CDH12: variants seen among roughly 807,000 people sequenced by gnomAD.
The protein encoded by CDH12 is cadherin 12.
Under a neutral mutation model 74.1 loss-of-function variants are expected in CDH12, and 41 were observed. The ratio of observed to expected loss-of-function variants is 0.55; its 90% confidence interval spans 0.43 to 0.72. The LOEUF is 0.72. Ranked by LOEUF, CDH12 falls within the 30% of genes least tolerant of loss-of-function variation. The probability of loss-of-function intolerance (pLI) is 0.00; values close to 1 mark genes in which losing one functional copy is unlikely to be tolerated. For missense variants in CDH12, 945 were observed against 977.2 expected, an observed-to-expected ratio of 0.97 and a Z score of 0.44; for synonymous variants, 399 against 355.0, an observed-to-expected ratio of 1.12 and a Z score of -1.39.
Position 21,880,000 on chromosome 5 carries a change from A to C in CDH12, c.527-25210T>G, listed in dbSNP as rs544695614. Among the ~76,000 whole-genome samples the C allele has an allele frequency of 2.6e-5, 4 of 152,340 alleles. No homozygotes were observed. The East Asian group carries it at 7.7e-4, about 29-fold the overall frequency. ...TGGTCTTAAGAAAGAAGCTGTGAGC[A>C]GACAGTTCTGATGTCCTTGCTTATA... On this transcript the variant is annotated intron_variant, in intron 6 of 14. Transcript: ENST00000382254.
intron 2 of CDH12, among the ~76,000 whole-genome samples, chr5:22,485,278 C>A (rs1004720418): frequency 2.0e-5 from 3 of 152,096 alleles, no homozygotes; most frequent in Non-Finnish European, 4.4e-5. Context: ...AATTCCTGGG[C>A]TCAAGTGATC....
intron 1 of CDH12, among the ~76,000 whole-genome samples, chr5:22,626,095 C>T (rs1249175531): frequency 1.3e-5 from 2 of 152,090 alleles, no homozygotes; most frequent in African/African-American, 4.8e-5. Flanking sequence ...GGTGCTCCCG[C>T]CACTACTACC....
chr5:21,776,107 C>G (rs557853451), intron 11 of CDH12, among the ~76,000 whole-genome samples: 16 of 152,292 alleles, frequency 1.1e-4, no homozygotes, highest in African/African-American at 3.4e-4. Context: ...CTTTCTCTTT[C>G]TCTTGCTCAT....
chr5:22,519,569 G>A (rs1430579354), intron 1 of CDH12, among the ~76,000 whole-genome samples: 6 of 151,630 alleles, frequency 4.0e-5, no homozygotes, highest in African/African-American at 1.5e-4. Context: ...GACTACAGGC[G>A]CCCGTCACCA....
chr5:22,244,065 C>A (rs1752835140), intron 3 of CDH12, among the ~76,000 whole-genome samples: 1 of 151,746 alleles, frequency 6.6e-6, no homozygotes, highest in African/African-American at 2.4e-5. Flanking sequence ...TTCCAAGGAT[C>A]TAGGAATAAA....
At chr5:22,015,399 G>A (rs1289496723) in intron 5 of CDH12, among the ~76,000 whole-genome samples, 2 of 151,990 alleles carry the variant, frequency 1.3e-5, no homozygotes, top group African/African-American at 4.8e-5. Flanking sequence ...TAAAATTAGT[G>A]CTAATGTAGC....
rs59384716 is a variant in CDH12 at position 22,201,134 on chromosome 5, G to A, written c.-187+11364C>T. Among the ~76,000 whole-genome samples, 1,366 of 152,228 alleles carry A rather than the reference G, an allele frequency of 9.0e-3. 19 individuals are homozygous for A. The highest frequency in any genetic ancestry group is 0.032 in the African/African-American group (1,314 of 41,552). ...ACCAAATGATAGCAACCATGGCTGGGTCATAGACTGCTTGAGATTAGGAAA... is the reference window on the plus strand; with the variant it reads ...ACCAAATGATAGCAACCATGGCTGGATCATAGACTGCTTGAGATTAGGAAA... On this transcript the variant is annotated intron_variant, in intron 4 of 14. Transcript: ENST00000382254.
intron 6 of CDH12, among the ~76,000 whole-genome samples, chr5:21,960,193 T>C (rs532539927): frequency 1.1e-4 from 16 of 152,284 alleles, no homozygotes; most frequent in African/African-American, 3.6e-4. Flanking sequence ...ATGAGTCTGA[T>C]AGACATCTAC....
intron 1 of CDH12, among the ~76,000 whole-genome samples, chr5:22,533,671 A>G (rs1362261088): frequency 1.3e-5 from 2 of 152,216 alleles, no homozygotes; most frequent in African/African-American, 2.4e-5. Context: ...TGGGTTTAGA[A>G]TTCAGGCATG....
intron 6 of CDH12, among the ~76,000 whole-genome samples, chr5:21,892,261 G>A (rs970033872): frequency 1.3e-5 from 2 of 151,952 alleles, no homozygotes; most frequent in African/African-American, 2.4e-5. Context: ...ACAGCTTCTG[G>A]TTTAGTCATG....
At chr5:21,935,715 C>A (rs1755046204) in intron 6 of CDH12, among the ~76,000 whole-genome samples, 1 of 152,056 alleles carries the variant, frequency 6.6e-6, no homozygotes, top group Non-Finnish European at 1.5e-5. Flanking sequence ...GTTTTTATAC[C>A]TATTAGTCTG....
chr5:22,525,663 C>T (rs1205591518), intron 1 of CDH12, among the ~76,000 whole-genome samples: 1 of 152,080 alleles, frequency 6.6e-6, no homozygotes, highest in Admixed American at 6.5e-5. Context: ...TCTCTTTCTC[C>T]CCATCTCTCT....
intron 3 of CDH12, among the ~76,000 whole-genome samples, chr5:22,224,694 G>T (rs921327561): frequency 2.0e-5 from 3 of 151,966 alleles, no homozygotes; most frequent in East Asian, 3.9e-4. Flanking sequence ...AACTATAGCA[G>T]TACTGACTTG....
intron 1 of CDH12, among the ~76,000 whole-genome samples, chr5:22,688,691 A>T (rs1735460738): frequency 6.6e-6 from 1 of 152,182 alleles, no homozygotes; most frequent in African/African-American, 2.4e-5. Context: ...GTTGCACTGG[A>T]TGAAAAAATG....
intron 1 of CDH12, among the ~76,000 whole-genome samples, chr5:22,679,982 G>A (rs1327994253): frequency 6.6e-6 from 1 of 152,042 alleles, no homozygotes; most frequent in Admixed American, 6.6e-5. Flanking sequence ...TATTCTACAA[G>A]AACACTGAAC....
chr5:22,462,911 G>A (rs1745578091), intron 2 of CDH12, among the ~76,000 whole-genome samples: 3 of 152,076 alleles, frequency 2.0e-5, no homozygotes. Context: ...TAAAAATCAT[G>A]ACTAAAATCC....
At chr5:22,710,982 G>C (rs191921469) in intron 1 of CDH12, among the ~76,000 whole-genome samples, 7 of 152,228 alleles carry the variant, frequency 4.6e-5, no homozygotes, top group Non-Finnish European at 8.8e-5. Flanking sequence ...GCCTCAAGTA[G>C]GAATGTCTTG....
chr5:22,209,137 C>T (rs543462141), intron 4 of CDH12, among the ~76,000 whole-genome samples: 1 of 152,164 alleles, frequency 6.6e-6, no homozygotes, highest in East Asian at 1.9e-4. Flanking sequence ...TTCTAGTTAC[C>T]ATCTTAGCAC....
chr5:21,833,066 C>T (rs1189352877), intron 8 of CDH12, among the ~76,000 whole-genome samples: 4 of 68,266 alleles, frequency 5.9e-5, no homozygotes, highest in Non-Finnish European at 1.0e-4. Flanking sequence ...TGTTATATAA[C>T]ATATAATATA....
Sources: allele counts gnomAD v4.1 joint callset (sites outside exome capture counted in the v4.1 genomes callset), GRCh38; gene constraint gnomAD v4.1.1; transcripts MANE v1.5; gene names NCBI Gene and HGNC (gene_info 2026-07-23, HGNC 2026-07-21).